KANK4: variants seen among roughly 807,000 people sequenced by gnomAD.
KANK4 encodes KN motif and ankyrin repeat domains 4, also known as KN motif and ankyrin repeat domain-containing protein 4.
In KANK4, 50 loss-of-function variants were observed where a neutral mutation model predicts 80.8. The observed-to-expected ratio is 0.62, with a 90% confidence interval of 0.49 to 0.78. The LOEUF (loss-of-function observed/expected upper bound fraction) is 0.78. Ranked by LOEUF, KANK4 falls within the 30% of genes least tolerant of loss-of-function variation. KANK4 has a pLI of 0.00. For synonymous variants in KANK4, 465 were observed against 506.9 expected, an observed-to-expected ratio of 0.92 and a Z score of 1.11; for missense variants, 1,196 against 1,240.1, an observed-to-expected ratio of 0.96 and a Z score of 0.53.
chr1:62,287,589 A>T (rs1672597678), intron 1 of KANK4, among the ~76,000 whole-genome samples: 1 of 152,152 alleles, frequency 6.6e-6, no homozygotes, highest in African/African-American at 2.4e-5. Flanking sequence ...AAGCAGCCAG[A>T]CCAGGGATGA....
chr1:62,259,283 CT>C (rs375101709), intron 7 of KANK4, among the ~76,000 whole-genome samples: 3,088 of 147,102 alleles, frequency 0.021, 96 homozygotes, highest in African/African-American at 0.069. Context: ...TTCTTTCTTT[CT>C]TTTTTTTTTT....
In KANK4 at chr1:62,274,348, GA is replaced by G; in HGVS notation, c.755del (p.Phe252SerfsTer8). The G allele has an allele frequency of 1.2e-6, 2 of 1,614,216 alleles. No homozygotes were observed. Among genetic ancestry groups the G allele is most frequent in the Non-Finnish European group, 1.7e-6 (2 of 1,180,044 alleles). Reference protein sequence around the residue: ...PNHLPLPGPPFSFQNVLVVLE... With the variant: ...PNHLPLPGPPXSFQNVLVVLE... ...GAACTACAAGCACATTCTGGAATGA[GA>G]AAGGAGGGCCTGGGAGAGGGAGGTG... On this transcript the variant is annotated frameshift_variant, in exon 3 of 10. Transcript: ENST00000371153. LOFTEE classifies it high-confidence loss of function.
intron 7 of KANK4, among the ~76,000 whole-genome samples, chr1:62,256,205 C>A (rs1671748031): frequency 6.6e-6 from 1 of 152,172 alleles, no homozygotes; most frequent in Admixed American, 6.5e-5. Context: ...ACACAGTAAA[C>A]ACTCGGTAAG....
In KANK4 at chr1:62,273,288, A is replaced by T. The variant is rs932090245; in HGVS notation, c.1816T>A (p.Ser606Thr). The T allele has an allele frequency of 1.4e-5, 23 of 1,588,446 alleles. No individual in the cohort carries two copies. The highest frequency in any genetic ancestry group is 1.8e-5 in the Non-Finnish European group (21 of 1,163,884). The change falls in exon 3 of 10, where the codon TCC (serine) becomes ACC (threonine). Residue 606 changes from serine (S) to threonine (T), a missense_variant. Ser to Thr is a moderately conservative substitution (Grantham distance 58). Around this residue, in one of 3 missense-constraint regions of KANK4, gnomAD observed 1,154 missense variants for 1,179.6 expected, o/e 0.98. Transcript: ENST00000371153. ...LSSIQSQLLS[S>T]LNLLLSAYSA... ...TAGGCCGACAGCAGCAGGTTGAGGG[A>T]GCTCAGCAGCTGGCTCTGGATGCTG...
intron 1 of KANK4, among the ~76,000 whole-genome samples, chr1:62,284,060 C>CAGGA (rs770359407): frequency 3.6e-4 from 55 of 152,144 alleles, no homozygotes; most frequent in African/African-American, 1.3e-3. Context: ...GCTCATAATA[C>CAGGA]AGGAAGGAAG....
intron 7 of KANK4, among the ~76,000 whole-genome samples, chr1:62,257,250 G>A (rs1671773363): frequency 6.6e-6 from 1 of 152,074 alleles, no homozygotes; most frequent in African/African-American, 2.4e-5. Flanking sequence ...ACCACGCCCG[G>A]CTCATTTTTG....
At chr1:62,306,688 C>T (rs1003683721) in intron 1 of KANK4, among the ~76,000 whole-genome samples, 3 of 152,032 alleles carry the variant, frequency 2.0e-5, no homozygotes, top group African/African-American at 7.2e-5. Flanking sequence ...TTGCTGCTAA[C>T]TGGTATGATA....
At chr1:62,278,702 A>G (rs1167419617) in intron 2 of KANK4, among the ~76,000 whole-genome samples, 3 of 151,790 alleles carry the variant, frequency 2.0e-5, no homozygotes, top group Non-Finnish European at 2.9e-5. Flanking sequence ...GCTGACCCAC[A>G]CAATTTTTTT....
At chr1:62,285,655 GC>G (rs1439676453) in intron 1 of KANK4, among the ~76,000 whole-genome samples, 4 of 152,102 alleles carry the variant, frequency 2.6e-5, no homozygotes, top group Non-Finnish European at 5.9e-5. Context: ...TCAAGTCTCA[GC>G]CTCATTGCCA....
chr1:62,299,055 A>ATT (rs550552532), intron 1 of KANK4, among the ~76,000 whole-genome samples: 1 of 147,612 alleles, frequency 6.8e-6, no homozygotes, highest in African/African-American at 2.5e-5. Flanking sequence ...CCTGCCCAAG[A>ATT]TTTTTTTTTT....
intron 1 of KANK4, among the ~76,000 whole-genome samples, chr1:62,311,201 G>C (rs1333968099): frequency 6.6e-6 from 1 of 152,140 alleles, no homozygotes; most frequent in Non-Finnish European, 1.5e-5. Context: ...TCTAGAATCA[G>C]GCAGATGCAG....
intron 1 of KANK4, among the ~76,000 whole-genome samples, chr1:62,285,574 T>C (rs1234308591): frequency 6.6e-6 from 1 of 152,210 alleles, no homozygotes; most frequent in Non-Finnish European, 1.5e-5. Context: ...AAAAATGTGG[T>C]ATTTCATCCC....
intron 1 of KANK4, among the ~76,000 whole-genome samples, chr1:62,294,815 A>C (rs1475807493): frequency 6.6e-6 from 1 of 152,240 alleles, no homozygotes; most frequent in East Asian, 1.9e-4. Context: ...AGCCAGAGGA[A>C]GGGCAGGTAT....
chr1:62,288,689 G>A (rs1463808404), intron 1 of KANK4, among the ~76,000 whole-genome samples: 1 of 151,746 alleles, frequency 6.6e-6, no homozygotes, highest in Non-Finnish European at 1.5e-5. Flanking sequence ...CCAGTTGTAG[G>A]GAGAGAGGAG....
chr1:62,237,153 A>G lies in KANK4; in HGVS notation c.*1124T>C, dbSNP rs1290668230. 1 of 139,962 alleles carries G rather than the reference A, an allele frequency of 7.1e-6. No individual in the cohort carries two copies. Among genetic ancestry groups the G allele is most frequent in the Non-Finnish European group, 1.5e-5 (1 of 65,506 alleles). 8.7% of individuals were successfully genotyped at this position (139,962 alleles called of 1,614,324 possible). The stretch of plus-strand genomic sequence containing the variant: ...GGGCTTTTTTTTTTTTTTTTTGCAT[A>G]AGAGATTTTAAGAGAGCAGATTTAA... On this transcript the variant is annotated 3_prime_UTR_variant, in exon 10 of 10. Transcript: ENST00000371153.
At position 62,237,059 on chromosome 1, in the gene KANK4, G is replaced by GA. The variant is rs1671218799; in HGVS notation, c.*1217dup. The GA allele has an allele frequency of 6.6e-6, 1 of 151,686 alleles. No homozygotes were observed. 9.4% of individuals were successfully genotyped at this position (151,686 alleles called of 1,614,324 possible). On this transcript the variant is annotated 3_prime_UTR_variant, in exon 10 of 10. Coordinates refer to ENST00000371153, the MANE Select transcript of KANK4 (RefSeq NM_181712.5). Reference sequence around the variant, plus strand: ...AGCAAATTGGCATCTGAGCCAAAATGAGAGTGCAAGCTTTTGAGTTTCCAA... The same window carrying GA: ...AGCAAATTGGCATCTGAGCCAAAATGAAGAGTGCAAGCTTTTGAGTTTCCAA...
At chr1:62,249,293 T>C (rs115378581) in intron 8 of KANK4, among the ~76,000 whole-genome samples, 6,164 of 152,070 alleles carry the variant, frequency 0.041, 140 homozygotes, top group Middle Eastern at 0.055. Flanking sequence ...AAATTGACCA[T>C]CATTTCCCAT....
intron 2 of KANK4, among the ~76,000 whole-genome samples, chr1:62,276,777 C>CAAAAAAA (rs61573295): frequency 8.6e-5 from 12 of 138,944 alleles, no homozygotes; most frequent in Non-Finnish European, 1.1e-4. Flanking sequence ...AACTCCATCT[C>CAAAAAAA]AAAAATAAGA....
chr1:62,280,618 T>C (rs1463998637), intron 2 of KANK4, among the ~76,000 whole-genome samples: 2 of 152,130 alleles, frequency 1.3e-5, no homozygotes, highest in East Asian at 3.8e-4. Context: ...AAAAAAACAT[T>C]TCATTAGAAG....
Sources: gnomAD v4.1 joint callset for allele counts (sites outside exome capture counted in the v4.1 genomes callset) on GRCh38, gnomAD v4.1.1 for gene constraint, gnomAD v4.1.1 regional missense constraint, MANE v1.5 for transcripts, NCBI Gene and HGNC (gene_info 2026-07-23, HGNC 2026-07-21) for gene names.